LRRC4C: variants seen among roughly 807,000 people sequenced by gnomAD.
The protein encoded by LRRC4C is leucine-rich repeat-containing protein 4C.
A neutral mutation model predicts 33.6 loss-of-function variants in LRRC4C; 5 were observed. The ratio of observed to expected loss-of-function variants is 0.15; its 90% CI spans 0.08 to 0.31. LRRC4C has a LOEUF of 0.31. Ranked by LOEUF, LRRC4C falls within the 10% of genes least tolerant of loss-of-function variation. The probability of loss-of-function intolerance (pLI) is 1.00; values close to 1 mark genes in which losing one functional copy is unlikely to be tolerated. For synonymous variants in LRRC4C, 329 were observed against 302.0 expected, an observed-to-expected ratio of 1.09 and a Z score of -0.93; for missense variants, 560 against 796.7, an observed-to-expected ratio of 0.70 and a Z score of 3.58.
At chr11:41,115,657 C>G (rs543079299) in intron 1 of LRRC4C, among the ~76,000 whole-genome samples, 27 of 152,100 alleles carry the variant, frequency 1.8e-4, no homozygotes, top group African/African-American at 5.5e-4. Context: ...TATTCTGCCT[C>G]TAATTCATGA....
intron 3 of LRRC4C, among the ~76,000 whole-genome samples, chr11:40,565,518 G>C (rs180788811): frequency 1.3e-5 from 2 of 152,196 alleles, no homozygotes; most frequent in African/African-American, 4.8e-5. Flanking sequence ...TTCCTTGGGG[G>C]ACCTAGTGGT....
At chr11:40,280,182 C>A (rs1943376540) in intron 4 of LRRC4C, among the ~76,000 whole-genome samples, 1 of 152,154 alleles carries the variant, frequency 6.6e-6, no homozygotes, top group African/African-American at 2.4e-5. Context: ...TGGGCCTCAT[C>A]CCTGGCTGGA....
At chr11:40,246,523 G>A (rs914048907) in intron 4 of LRRC4C, among the ~76,000 whole-genome samples, 2 of 152,182 alleles carry the variant, frequency 1.3e-5, no homozygotes, top group African/African-American at 2.4e-5. Flanking sequence ...TAACTGTGAT[G>A]AAATTCATCT....
intron 3 of LRRC4C, among the ~76,000 whole-genome samples, chr11:40,465,717 C>A (rs1434407651): frequency 6.6e-6 from 1 of 151,852 alleles, no homozygotes; most frequent in African/African-American, 2.4e-5. Context: ...TATTAATCAC[C>A]AGAGAAGTGC....
At chr11:40,678,326 C>A (rs1212137794) in intron 2 of LRRC4C, among the ~76,000 whole-genome samples, 1 of 151,990 alleles carries the variant, frequency 6.6e-6, no homozygotes, top group Admixed American at 6.6e-5. Flanking sequence ...CCCCAGTGTC[C>A]ATTTAATCCA....
At position 41,415,316 on chromosome 11, in the gene LRRC4C, A is replaced by T. The variant is rs188587925; in HGVS notation, c.-496+44115T>A. ...AGCAGAAAACACAGATAGATAGTCCAGGGAGTGAATGGACAGAAGGTTTGA... is the reference window on the plus strand; with the variant it reads ...AGCAGAAAACACAGATAGATAGTCCTGGGAGTGAATGGACAGAAGGTTTGA... On this transcript the variant is annotated intron_variant, in intron 1 of 6. Coordinates refer to ENST00000528697, the MANE Select transcript of LRRC4C (RefSeq NM_001258419.2). 2.9e-4 allele frequency among the ~76,000 whole-genome samples: 44 copies of T among 152,264 alleles called. No individual in the cohort carries two copies. In the East Asian group the frequency reaches 6.2e-3, roughly 21 times the overall value.
intron 1 of LRRC4C, among the ~76,000 whole-genome samples, chr11:41,100,717 G>A (rs1297798956): frequency 6.6e-6 from 1 of 152,028 alleles, no homozygotes; most frequent in South Asian, 2.1e-4. Context: ...GAACCAAAAA[G>A]GAGCATGAAT....
intron 4 of LRRC4C, among the ~76,000 whole-genome samples, chr11:40,298,049 C>T (rs1018500786): frequency 5.9e-5 from 9 of 152,148 alleles, no homozygotes; most frequent in Admixed American, 1.3e-4. Flanking sequence ...AGTGAATAAA[C>T]GTCTAAGATA....
chr11:40,227,389 T>C (rs1200070427), intron 5 of LRRC4C, among the ~76,000 whole-genome samples: 1 of 152,242 alleles, frequency 6.6e-6, no homozygotes, highest in Non-Finnish European at 1.5e-5. Context: ...CCTGTATCTC[T>C]ATTCTCTCTT....
rs1328842719 is a variant in LRRC4C at position 40,114,274 on chromosome 11, T to G, written c.*96A>C. 8 of 1,321,978 alleles carry G rather than the reference T, an allele frequency of 6.1e-6. No homozygotes were observed. Among genetic ancestry groups the G allele is most frequent in the Non-Finnish European group, 8.0e-6 (8 of 994,150 alleles). 81.9% of individuals were successfully genotyped at this position (1,321,978 alleles called of 1,614,324 possible). ...CTTTTTTGTTTTTTTGTAAAGACAC[T>G]TTTTTGAAACAGTAGATTTAGCCCA... is the stretch of plus-strand genomic sequence containing the variant. On this transcript the variant is annotated 3_prime_UTR_variant, in exon 7 of 7. Coordinates refer to ENST00000528697, the MANE Select transcript of LRRC4C (RefSeq NM_001258419.2).
intron 1 of LRRC4C, among the ~76,000 whole-genome samples, chr11:41,235,494 G>A (rs1947980904): frequency 6.6e-6 from 1 of 152,056 alleles, no homozygotes. Context: ...TAGTAGGCAA[G>A]CAACATTAAA....
At chr11:40,246,100 A>G (rs1415856184) in intron 4 of LRRC4C, among the ~76,000 whole-genome samples, 8 of 151,828 alleles carry the variant, frequency 5.3e-5, no homozygotes, top group Admixed American at 2.6e-4. Flanking sequence ...CAGCCTCCCA[A>G]GTAGCTGGGA....
chr11:40,198,940 G>T (rs562964594), intron 5 of LRRC4C, among the ~76,000 whole-genome samples: 1 of 152,272 alleles, frequency 6.6e-6, no homozygotes, highest in South Asian at 2.1e-4. Context: ...TGGGTATATT[G>T]GAAATAACTG....
chr11:41,072,432 G>T (rs576777333), intron 1 of LRRC4C, among the ~76,000 whole-genome samples: 25 of 151,872 alleles, frequency 1.6e-4, no homozygotes, highest in African/African-American at 4.6e-4. Flanking sequence ...TGAATAATGG[G>T]GGTGGACTTC....
intron 3 of LRRC4C, among the ~76,000 whole-genome samples, chr11:40,401,017 C>T (rs1272224134): frequency 1.3e-5 from 2 of 151,998 alleles, no homozygotes; most frequent in Admixed American, 6.6e-5. Flanking sequence ...AGTAAATGCT[C>T]GATAAATATT....
chr11:41,282,047 G>T (rs2136940010), intron 1 of LRRC4C, among the ~76,000 whole-genome samples: 1 of 152,262 alleles, frequency 6.6e-6, no homozygotes, highest in African/African-American at 2.4e-5. Flanking sequence ...AGGTAGAAAG[G>T]TCACACAAAA....
intron 1 of LRRC4C, among the ~76,000 whole-genome samples, chr11:41,135,233 T>C (rs1943204787): frequency 6.6e-6 from 1 of 152,178 alleles, no homozygotes; most frequent in Non-Finnish European, 1.5e-5. Context: ...GTTTTGGCTG[T>C]GTTCCATTTC....
At chr11:40,976,606 G>A (rs574768490) in intron 1 of LRRC4C, among the ~76,000 whole-genome samples, 2 of 152,304 alleles carry the variant, frequency 1.3e-5, no homozygotes, top group African/African-American at 4.8e-5. Context: ...AATCCAATTG[G>A]TATGGAGTCC....
intron 1 of LRRC4C, among the ~76,000 whole-genome samples, chr11:41,015,155 A>C (rs1050553658): frequency 1.3e-5 from 2 of 152,186 alleles, no homozygotes; most frequent in African/African-American, 4.8e-5. Context: ...CTAATGGCTA[A>C]TGTAGAATGA....
Sources: allele counts gnomAD v4.1 joint callset (sites outside exome capture counted in the v4.1 genomes callset), GRCh38; gene constraint gnomAD v4.1.1; transcripts MANE v1.5; gene names NCBI Gene and HGNC (gene_info 2026-07-23, HGNC 2026-07-21).